The following IL1RAPL1 variants were observed in gnomAD, a reference collection of about 807,000 sequenced individuals.
IL1RAPL1 encodes interleukin 1 receptor accessory protein like 1.
Under a neutral mutation model 48.4 loss-of-function variants are expected in IL1RAPL1, and 3 were observed. That is an observed-to-expected ratio of 0.06 (90% CI 0.03 to 0.16). The LOEUF is 0.16. Ranked by LOEUF, IL1RAPL1 falls within the 10% of genes least tolerant of loss-of-function variation. IL1RAPL1 has a pLI of 1.00. For synonymous variants in IL1RAPL1, 185 were observed against 187.7 expected, an observed-to-expected ratio of 0.99 and a Z score of 0.12; for missense variants, 349 against 530.6, an observed-to-expected ratio of 0.66 and a Z score of 3.36.
rs1602117363 is a variant in IL1RAPL1, at chrX:29,217,709, T to C, written c.83-65229T>C. Among the ~76,000 whole-genome samples, 7 of 109,553 alleles carry C rather than the reference T, an allele frequency of 6.4e-5. No homozygotes were observed. In the South Asian group the frequency reaches 2.8e-3, roughly 43 times the overall value. On this transcript the variant is annotated intron_variant, in intron 2 of 10. Transcript: ENST00000378993. ...AAAATTGAAATTACTGATTGAACTC[T>C]TGAACTTAGAAAACACAAATCATCT...
At chrX:29,162,338 C>T (rs777519317) in intron 2 of IL1RAPL1, among the ~76,000 whole-genome samples, 1 of 110,466 alleles carries the variant, frequency 9.1e-6, no homozygotes, top group East Asian at 2.8e-4. Flanking sequence ...CAAACCTGCA[C>T]GTTCTGCACA....
intron 5 of IL1RAPL1, among the ~76,000 whole-genome samples, chrX:29,500,580 A>G (rs374759925): frequency 1.8e-5 from 2 of 112,049 alleles, no homozygotes; most frequent in East Asian, 5.6e-4. Flanking sequence ...ATGTTCATCC[A>G]TGCTGCTGAA....
chrX:29,491,376 A>G (rs989631486), intron 5 of IL1RAPL1, among the ~76,000 whole-genome samples: 2 of 112,743 alleles, frequency 1.8e-5, no homozygotes, highest in African/African-American at 6.4e-5. Context: ...CAGCTGTGTT[A>G]AAAGCTCTGC....
intron 5 of IL1RAPL1, among the ~76,000 whole-genome samples, chrX:29,473,205 G>A (rs888278323): frequency 9.0e-6 from 1 of 111,409 alleles, no homozygotes; most frequent in African/African-American, 3.3e-5. Flanking sequence ...CCCTCTATGT[G>A]TGTCTCTTTG....
chrX:28,594,328 G>A (rs1423379749), intron 1 of IL1RAPL1, among the ~76,000 whole-genome samples: 18 of 111,788 alleles, frequency 1.6e-4, no homozygotes. Context: ...ATTCCCATTC[G>A]AGTTTTAGGA....
At chrX:29,669,275 G>A (rs1284283785) in intron 6 of IL1RAPL1, among the ~76,000 whole-genome samples, 1 of 111,082 alleles carries the variant, frequency 9.0e-6, no homozygotes, top group East Asian at 2.8e-4. Flanking sequence ...ATAAACTTTG[G>A]CAGAAGAGTT....
Position 29,745,786 on chromosome X carries a change from A to G in IL1RAPL1, c.778+77282A>G, listed in dbSNP as rs192228846. ...TTAAGTAGCTTTGGCCTTCACTAGC[A>G]TTACTACAGTCCTATATGTAAAAGT... On this transcript the variant is annotated intron_variant, in intron 6 of 10. Transcript: ENST00000378993. 6.3e-3 allele frequency among the ~76,000 whole-genome samples: 693 copies of G among 110,602 alleles called. 2 individuals carry two copies. Among genetic ancestry groups the G allele is most frequent in the Middle Eastern group, 0.028 (6 of 214 alleles).
chrX:29,686,522 C>A lies in IL1RAPL1; in HGVS notation c.778+18018C>A, dbSNP rs192407699. On this transcript the variant is annotated intron_variant, in intron 6 of 10. Coordinates refer to ENST00000378993, the MANE Select transcript of IL1RAPL1 (RefSeq NM_014271.4). ...GTTTCCTTGATCCCCTGCCTCCCCCCACCCCCCTAAAGATTTATTTATTTA... is the reference window on the plus strand; with the variant it reads ...GTTTCCTTGATCCCCTGCCTCCCCCAACCCCCCTAAAGATTTATTTATTTA... Among the ~76,000 whole-genome samples, 915 of 100,685 alleles carry A rather than the reference C, an allele frequency of 9.1e-3. 13 individuals carry two copies. Among genetic ancestry groups the A allele is most frequent in the African/African-American group, 0.032 (872 of 27,368 alleles). 87.4% of individuals were successfully genotyped at this position (100,685 alleles called of 115,157 possible). A position where few individuals can be genotyped will look rare whatever the true frequency, so the allele number is the denominator to read the frequency against.
chrX:28,748,844 C>G (rs1337648956), intron 1 of IL1RAPL1, among the ~76,000 whole-genome samples: 1 of 111,585 alleles, frequency 9.0e-6, no homozygotes, highest in African/African-American at 3.3e-5. Flanking sequence ...GTACCTTACT[C>G]TTAACCATAT....
At chrX:29,631,252 ACT>A (rs753844474) in intron 5 of IL1RAPL1, among the ~76,000 whole-genome samples, 17 of 110,523 alleles carry the variant, frequency 1.5e-4, no homozygotes, top group African/African-American at 4.9e-4. Context: ...TGTAATAATA[ACT>A]CTGATTTCAC....
intron 3 of IL1RAPL1, among the ~76,000 whole-genome samples, chrX:29,306,341 CAACATGGTG>C (rs1932617780): frequency 9.2e-6 from 1 of 108,566 alleles, no homozygotes; most frequent in South Asian, 4.0e-4. Flanking sequence ...CTATCCTGGC[CAACATGGTG>C]AAACCCCATC....
intron 2 of IL1RAPL1, among the ~76,000 whole-genome samples, chrX:29,071,029 A>C (rs1368328574): frequency 8.9e-6 from 1 of 111,842 alleles, no homozygotes; most frequent in Admixed American, 9.5e-5. Flanking sequence ...AAATGGAAGA[A>C]TTTAAAATGA....
In IL1RAPL1 at chrX:28,619,601, C is replaced by T. The variant is rs1224759759; in HGVS notation, c.-25+31554C>T. Among the ~76,000 whole-genome samples, 4 of 74,082 alleles carry T rather than the reference C, an allele frequency of 5.4e-5. No individual in the cohort carries two copies. The South Asian group carries it at 2.1e-3, about 39-fold the overall frequency. The allele number at this position is 74,082 out of a possible 115,157, so 64.3% of individuals were successfully genotyped here. A position where few individuals can be genotyped will look rare whatever the true frequency, so the allele number is the denominator to read the frequency against. The stretch of plus-strand genomic sequence containing the variant: ...CAGCCTGGGCAACAGAGTGAGACCC[C>T]GTCTCCAAAAAAAAAAAAAAAAAAA... On this transcript the variant is annotated intron_variant, in intron 1 of 10. Transcript: ENST00000378993.
intron 6 of IL1RAPL1, among the ~76,000 whole-genome samples, chrX:29,837,362 A>G (rs1292630278): frequency 2.9e-5 from 3 of 104,838 alleles, no homozygotes; most frequent in African/African-American, 3.5e-5. Context: ...GTAAATTACT[A>G]AAGTTTCTTA....
intron 5 of IL1RAPL1, among the ~76,000 whole-genome samples, chrX:29,524,922 G>T (rs190397820): frequency 4.5e-4 from 50 of 112,173 alleles, no homozygotes; most frequent in African/African-American, 1.6e-3. Flanking sequence ...AGAGATTCCA[G>T]TATAAACCCA....
intron 5 of IL1RAPL1, among the ~76,000 whole-genome samples, chrX:29,631,837 T>C (rs1924785939): frequency 9.0e-6 from 1 of 111,256 alleles, no homozygotes; most frequent in Non-Finnish European, 1.9e-5. Context: ...TTACAGCTAA[T>C]TGAATCACAC....
At chrX:29,850,674 G>T (rs1454835914) in intron 6 of IL1RAPL1, among the ~76,000 whole-genome samples, 1 of 112,373 alleles carries the variant, frequency 8.9e-6, no homozygotes, top group African/African-American at 3.2e-5. Flanking sequence ...CTGCTCGTGG[G>T]GACAGTGTTA....
chrX:29,818,640 G>A (rs935935231), intron 6 of IL1RAPL1, among the ~76,000 whole-genome samples: 2 of 111,982 alleles, frequency 1.8e-5, no homozygotes, highest in African/African-American at 6.5e-5. Context: ...TAGGAAGTAA[G>A]CTGTGCTCTC....
intron 2 of IL1RAPL1, among the ~76,000 whole-genome samples, chrX:28,992,065 G>T (rs1298915047): frequency 1.8e-5 from 2 of 112,015 alleles, no homozygotes; most frequent in Non-Finnish European, 1.9e-5. Flanking sequence ...GAAAGCTATG[G>T]CTTAGATAGA....
Sources: gnomAD v4.1 joint callset for allele counts (sites outside exome capture counted in the v4.1 genomes callset) on GRCh38, gnomAD v4.1.1 for gene constraint, MANE v1.5 for transcripts, NCBI Gene and HGNC (gene_info 2026-07-23, HGNC 2026-07-21) for gene names.